CTNNA2: variants seen among roughly 807,000 people sequenced by gnomAD.
CTNNA2 encodes the protein catenin alpha-2.
CTNNA2 carries 42 observed loss-of-function variants against 101.0 expected under a neutral mutation model. The observed-to-expected ratio is 0.42, with a 90% confidence interval of 0.32 to 0.54. The LOEUF (loss-of-function observed/expected upper bound fraction) is 0.54. Ranked by LOEUF, CTNNA2 falls within the 20% of genes least tolerant of loss-of-function variation. The probability of loss-of-function intolerance (pLI) is 0.14; values close to 1 mark genes in which losing one functional copy is unlikely to be tolerated. For missense variants in CTNNA2, 871 were observed against 1,223.1 expected, an observed-to-expected ratio of 0.71 and a Z score of 4.29; for synonymous variants, 450 against 456.4, an observed-to-expected ratio of 0.99 and a Z score of 0.18.
chr2:80,312,306 A>G (rs1290542966), intron 7 of CTNNA2, among the ~76,000 whole-genome samples: 5 of 152,144 alleles, frequency 3.3e-5, no homozygotes, highest in Admixed American at 3.3e-4. Context: ...GTCTAAGCTA[A>G]TTCTGATGGG....
chr2:79,988,559 A>T (rs1040281398), intron 7 of CTNNA2, among the ~76,000 whole-genome samples: 2 of 152,126 alleles, frequency 1.3e-5, no homozygotes, highest in East Asian at 1.9e-4. Context: ...AGAACTCCAC[A>T]TCTATATTTT....
intron 7 of CTNNA2, among the ~76,000 whole-genome samples, chr2:80,217,526 C>G (rs538978264): frequency 6.6e-6 from 1 of 152,058 alleles, no homozygotes; most frequent in Non-Finnish European, 1.5e-5. Context: ...CATTGAGTGA[C>G]ACTGAAAGCC....
At chr2:80,329,651 C>G (rs989939144) in intron 7 of CTNNA2, among the ~76,000 whole-genome samples, 2 of 152,252 alleles carry the variant, frequency 1.3e-5, no homozygotes, top group Non-Finnish European at 2.9e-5. Flanking sequence ...CCTCCAGATA[C>G]ATTTGCACTT....
intron 7 of CTNNA2, among the ~76,000 whole-genome samples, chr2:80,285,109 G>A (rs1234752392): frequency 6.6e-6 from 1 of 152,098 alleles, no homozygotes; most frequent in African/African-American, 2.4e-5. Flanking sequence ...TGTCCGTCCA[G>A]CTGGTCAGCC....
intron 9 of CTNNA2, among the ~76,000 whole-genome samples, chr2:80,475,758 C>T (rs1685680405): frequency 2.0e-5 from 3 of 152,078 alleles, no homozygotes; most frequent in Non-Finnish European, 4.4e-5. Context: ...AACTGCCAGT[C>T]TGTGTATCAT....
At chr2:79,409,619 G>A (rs1295533962) in intron 4 of CTNNA2, among the ~76,000 whole-genome samples, 1 of 150,014 alleles carries the variant, frequency 6.7e-6, no homozygotes, top group Non-Finnish European at 1.5e-5. Flanking sequence ...TAGATATGCG[G>A]CATTATTTCT....
At chr2:80,632,045 CCTGA>C (rs1406720273) in intron 18 of CTNNA2, among the ~76,000 whole-genome samples, 1 of 152,072 alleles carries the variant, frequency 6.6e-6, no homozygotes, top group African/African-American at 2.4e-5. Context: ...CATAAGACCA[CCTGA>C]CTGATAAATA....
chr2:80,553,377 T>A (rs1474466682), intron 11 of CTNNA2, among the ~76,000 whole-genome samples: 1 of 152,218 alleles, frequency 6.6e-6, no homozygotes, highest in Non-Finnish European at 1.5e-5. Context: ...TTCTAGCCTG[T>A]GCTGGTTTAT....
chr2:80,132,972 C>G (rs1336058103), intron 7 of CTNNA2, among the ~76,000 whole-genome samples: 1 of 152,138 alleles, frequency 6.6e-6, no homozygotes, highest in East Asian at 1.9e-4. Context: ...TATGTTGAAG[C>G]CTGAACTCCC....
intron 7 of CTNNA2, among the ~76,000 whole-genome samples, chr2:80,004,595 G>T (rs1693194849): frequency 6.6e-6 from 1 of 152,166 alleles, no homozygotes; most frequent in Non-Finnish European, 1.5e-5. Context: ...GAGAGGAAGA[G>T]AAAAGAGGTT....
intron 7 of CTNNA2, among the ~76,000 whole-genome samples, chr2:80,133,801 G>T (rs955466509): frequency 8.5e-5 from 13 of 152,114 alleles, no homozygotes; most frequent in Admixed American, 1.3e-4. Flanking sequence ...CAATTTTAAA[G>T]CCTTCAATAC....
At chr2:79,319,279 T>C (rs1488663453) in intron 3 of CTNNA2, among the ~76,000 whole-genome samples, 1 of 152,168 alleles carries the variant, frequency 6.6e-6, no homozygotes, top group South Asian at 2.1e-4. Flanking sequence ...ACCCTACTGA[T>C]TCAGCTGGCA....
At chr2:79,714,510 A>G (rs12993353) in intron 2 of CTNNA2, among the ~76,000 whole-genome samples, 23,797 of 152,182 alleles carry the variant, frequency 0.16, 2,367 homozygotes, top group Non-Finnish European at 0.23. Flanking sequence ...AGAAAGAGCA[A>G]TAACTTTCTA....
At chr2:79,687,696 A>G in intron 2 of CTNNA2, 1 of 516,142 alleles carries the variant, frequency 1.9e-6, no homozygotes, top group Non-Finnish European at 3.5e-6. Context: ...ACTGGATGAA[A>G]TATAAAAGCA....
intron 7 of CTNNA2, among the ~76,000 whole-genome samples, chr2:80,141,855 ATT>A (rs34748982): frequency 0.064 from 9,234 of 143,364 alleles, 816 homozygotes; most frequent in African/African-American, 0.21. Context: ...TAAAGATAGC[ATT>A]TTTTTTTTTT....
At chr2:80,210,328 A>G (rs545984579) in intron 7 of CTNNA2, among the ~76,000 whole-genome samples, 5 of 152,226 alleles carry the variant, frequency 3.3e-5, no homozygotes, top group African/African-American at 9.6e-5. Flanking sequence ...CTCGTCATTT[A>G]TATTAGGTAT....
chr2:79,233,818 T>C (rs1376218970), intron 2 of CTNNA2, among the ~76,000 whole-genome samples: 2 of 152,100 alleles, frequency 1.3e-5, no homozygotes, highest in African/African-American at 4.8e-5. Flanking sequence ...TTGTTTCTTC[T>C]TTCTGATTAT....
chr2:79,264,846 A>C (rs1674969358), intron 2 of CTNNA2, among the ~76,000 whole-genome samples: 1 of 152,132 alleles, frequency 6.6e-6, no homozygotes, highest in Non-Finnish European at 1.5e-5. Flanking sequence ...TAGCAACTAA[A>C]GTTCAATGTT....
At chr2:79,274,036 T>C (rs1451079293) in intron 2 of CTNNA2, among the ~76,000 whole-genome samples, 1 of 152,112 alleles carries the variant, frequency 6.6e-6, no homozygotes, top group African/African-American at 2.4e-5. Context: ...CATAAATATT[T>C]TCATCTTCTC....
Sources: allele counts gnomAD v4.1 joint callset (sites outside exome capture counted in the v4.1 genomes callset), GRCh38; gene constraint gnomAD v4.1.1; transcripts MANE v1.5; gene names NCBI Gene and HGNC (gene_info 2026-07-23, HGNC 2026-07-21).